LANCL3: variants seen among roughly 807,000 people sequenced by gnomAD.
LANCL3 encodes the protein LanC like family member 3, also known as lanC-like protein 3.
Under a neutral mutation model 26.5 loss-of-function variants are expected in LANCL3, and 19 were observed. That is an observed-to-expected ratio of 0.72 (90% CI 0.50 to 1.05). LANCL3 has a LOEUF of 1.05. Among genes scored for constraint, LANCL3 ranks in the 50% least tolerant of loss-of-function variants. The probability of loss-of-function intolerance (pLI) is 0.00; values close to 1 mark genes in which losing one functional copy is unlikely to be tolerated. For missense variants in LANCL3, 318 were observed against 362.7 expected, an observed-to-expected ratio of 0.88 and a Z score of 1.00; for synonymous variants, 160 against 166.6, an observed-to-expected ratio of 0.96 and a Z score of 0.30.
chrX:37,642,630 CT>C (rs1301276083), intron 1 of LANCL3, among the ~76,000 whole-genome samples: 1 of 111,844 alleles, frequency 8.9e-6, no homozygotes, highest in Non-Finnish European at 1.9e-5. Flanking sequence ...AAACAAAAAG[CT>C]TTCCATGAAG....
chrX:37,667,362 C>T lies in LANCL3; in HGVS notation c.976C>T (p.Leu326Phe). The T allele has an allele frequency of 8.3e-7, 1 of 1,198,513 alleles. No individual in the cohort carries two copies. Among genetic ancestry groups the T allele is most frequent in the Non-Finnish European group, 1.1e-6 (1 of 890,157 alleles). ...YLDTCIRCGE[L>F]TWQKGLLKKG... ...GGACACATGTATTCGGTGTGGGGAACTCACATGGCAGAAAGGCCTGCTAAA... is the reference window on the plus strand; with the variant it reads ...GGACACATGTATTCGGTGTGGGGAATTCACATGGCAGAAAGGCCTGCTAAA... The change falls in exon 4 of 5, where the codon CTC becomes TTC. Residue 326 changes from leucine to phenylalanine, a missense_variant. By Grantham distance (22) the Leu-to-Phe change is conservative. Coordinates refer to ENST00000378619, the MANE Select transcript of LANCL3 (RefSeq NM_001170331.2).
At chrX:37,629,850 A>T (rs1241388194) in intron 1 of LANCL3, among the ~76,000 whole-genome samples, 2 of 111,619 alleles carry the variant, frequency 1.8e-5, no homozygotes, top group Non-Finnish European at 3.8e-5. Context: ...TGGTTGCTGT[A>T]GCCTTGTAGT....
intron 1 of LANCL3, among the ~76,000 whole-genome samples, chrX:37,639,376 C>G (rs1407240062): frequency 9.5e-6 from 1 of 105,774 alleles, no homozygotes; most frequent in East Asian, 3.0e-4. Flanking sequence ...ATTGAGAGAC[C>G]GTATTTTTAA....
chrX:37,659,496 G>C lies in LANCL3; in HGVS notation c.732G>C (p.Met244Ile), dbSNP rs782112084. 5.8e-6 allele frequency: 7 copies of C among 1,210,474 alleles called. No individual in the cohort carries two copies. The Admixed American group carries it at 1.5e-4, about 26-fold the overall frequency. The change falls in exon 3 of 5, where the codon ATG becomes ATC. Residue 244 changes from methionine to isoleucine, a missense_variant. By Grantham distance (10) the Met-to-Ile change is conservative. Coordinates refer to ENST00000378619, the MANE Select transcript of LANCL3 (RefSeq NM_001170331.2). ...ACGGCTTGTCGTCTATTCTTCAGATGCTTCTTTCTTACCATGAGCATCTCA... is the reference window on the plus strand; with the variant it reads ...ACGGCTTGTCGTCTATTCTTCAGATCCTTCTTTCTTACCATGAGCATCTCA... The part of the protein sequence containing the change: ...AAHGLSSILQ[M>I]LLSYHEHLKP...
At chrX:37,603,728 C>T in intron 1 of LANCL3, among the ~76,000 whole-genome samples, 1 of 111,913 alleles carries the variant, frequency 8.9e-6, no homozygotes, top group East Asian at 2.8e-4. Flanking sequence ...TTGAACTTTT[C>T]TTTTCAGAGC....
At chrX:37,613,901 A>G (rs1461393036) in intron 1 of LANCL3, among the ~76,000 whole-genome samples, 1 of 111,955 alleles carries the variant, frequency 8.9e-6, no homozygotes, top group Non-Finnish European at 1.9e-5. Context: ...TCATTACCCC[A>G]TTTTATCAGT....
At chrX:37,646,264 A>G (rs1402890412) in intron 1 of LANCL3, among the ~76,000 whole-genome samples, 1 of 112,621 alleles carries the variant, frequency 8.9e-6, no homozygotes, top group Admixed American at 9.4e-5. Context: ...CTTAAGCCCT[A>G]TTTTGTATCT....
intron 4 of LANCL3, among the ~76,000 whole-genome samples, chrX:37,673,031 T>C (rs1556436702): frequency 8.9e-6 from 1 of 112,701 alleles, no homozygotes; most frequent in African/African-American, 3.2e-5. Context: ...TTTTCTTTTA[T>C]GTTTATTCAA....
intron 3 of LANCL3, among the ~76,000 whole-genome samples, chrX:37,661,006 G>GT (rs1569469855): frequency 1.5e-4 from 14 of 94,152 alleles, no homozygotes; most frequent in African/African-American, 6.8e-4. Context: ...TTTTTTGTGG[G>GT]CGGGGGGGGA....
At chrX:37,659,420 C>T in intron 2 of LANCL3, 42 bp from the exon 3 acceptor site, 2 of 1,009,724 alleles carry the variant, frequency 2.0e-6, no homozygotes, top group South Asian at 3.9e-5. Context: ...AACTAGCTGT[C>T]CTCCCAATTG....
rs1408033939 is a variant in LANCL3, at chrX:37,679,979, T to C, written c.*4166T>C. ...TCTCCTCTTTAAATATTATAGTTCA[T>C]TGTGATATGTTTTTCCTGTATCTGC... On this transcript the variant is annotated 3_prime_UTR_variant, in exon 5 of 5. Coordinates refer to ENST00000378619, the MANE Select transcript of LANCL3 (RefSeq NM_001170331.2). The C allele has an allele frequency of 9.0e-6, 1 of 111,725 alleles. No individual in the cohort carries two copies. Among genetic ancestry groups the C allele is most frequent in the Non-Finnish European group, 1.9e-5 (1 of 53,188 alleles). The allele number at this position is 111,725 out of a possible 1,213,427, so 9.2% of individuals were successfully genotyped here.
intron 4 of LANCL3, among the ~76,000 whole-genome samples, chrX:37,675,423 A>G (rs1196479930): frequency 8.9e-6 from 1 of 112,506 alleles, no homozygotes; most frequent in African/African-American, 3.2e-5. Flanking sequence ...TTTGCTTTGC[A>G]AACTCTAAGA....
At chrX:37,627,740 C>T (rs1345850587) in intron 1 of LANCL3, among the ~76,000 whole-genome samples, 1 of 111,943 alleles carries the variant, frequency 8.9e-6, no homozygotes, top group African/African-American at 3.3e-5. Flanking sequence ...TCCTGTATTC[C>T]ACTGAGGTCT....
intron 1 of LANCL3, among the ~76,000 whole-genome samples, chrX:37,641,034 C>T (rs1196373596): frequency 1.8e-5 from 2 of 111,519 alleles, no homozygotes; most frequent in Non-Finnish European, 3.8e-5. Context: ...TTAGATATGC[C>T]ATTTACATAG....
chrX:37,651,435 A>G (rs1173113984), intron 1 of LANCL3, among the ~76,000 whole-genome samples: 1 of 112,207 alleles, frequency 8.9e-6, no homozygotes, highest in Non-Finnish European at 1.9e-5. Context: ...AGAGTTGGCA[A>G]TTTTGTTATT....
At chrX:37,674,028 A>G (rs1365930392) in intron 4 of LANCL3, among the ~76,000 whole-genome samples, 1 of 111,963 alleles carries the variant, frequency 8.9e-6, no homozygotes, top group African/African-American at 3.2e-5. Context: ...CCAGTTCTGC[A>G]ACTTCACCAT....
In LANCL3 at chrX:37,680,552, C is replaced by G. The variant is rs1242252564; in HGVS notation, c.*4739C>G. ...GCCTTTGTGCACCTGCTAATTACCCCCTCTGAACTGAATTTGAAAAAATTA... is the reference window on the plus strand; with the variant it reads ...GCCTTTGTGCACCTGCTAATTACCCGCTCTGAACTGAATTTGAAAAAATTA... On this transcript the variant is annotated 3_prime_UTR_variant, in exon 5 of 5. Transcript: ENST00000378619. 9.0e-6 allele frequency: 1 copy of G among 111,722 alleles called. No individual in the cohort carries two copies. The highest frequency in any genetic ancestry group is 3.3e-5 in the African/African-American group (1 of 30,683). 9.2% of individuals were successfully genotyped at this position (111,722 alleles called of 1,213,427 possible). A position where few individuals can be genotyped will look rare whatever the true frequency, so the allele number is the denominator to read the frequency against.
intron 1 of LANCL3, among the ~76,000 whole-genome samples, chrX:37,650,748 T>A (rs898114491): frequency 9.2e-6 from 1 of 108,831 alleles, no homozygotes; most frequent in Non-Finnish European, 1.9e-5. Flanking sequence ...TCTTTTTTTT[T>A]ATTATTATAC....
intron 1 of LANCL3, among the ~76,000 whole-genome samples, chrX:37,612,906 C>T (rs1318121676): frequency 1.8e-5 from 2 of 111,715 alleles, no homozygotes; most frequent in Non-Finnish European, 3.8e-5. Context: ...TGTTGAGCCC[C>T]CTGAGTGCTT....
Sources: allele counts gnomAD v4.1 joint callset (sites outside exome capture counted in the v4.1 genomes callset), GRCh38; gene constraint gnomAD v4.1.1; transcripts MANE v1.5; gene names NCBI Gene and HGNC (gene_info 2026-07-23, HGNC 2026-07-21).